Variants in CIT observed in about 807,000 individuals in gnomAD.
The protein encoded by CIT is citron rho-interacting serine/threonine kinase, also known as citron Rho-interacting kinase.
Under a neutral mutation model 272.7 loss-of-function variants are expected in CIT, and 79 were observed. The observed-to-expected ratio is 0.29, with a 90% CI of 0.24 to 0.35. The LOEUF (loss-of-function observed/expected upper bound fraction) is 0.35, where lower values mean the gene tolerates loss of function less well. CIT is among the 10% of genes least tolerant of loss of function. The pLI is 1.00. For synonymous variants in CIT, 948 were observed against 995.6 expected, an observed-to-expected ratio of 0.95 and a Z score of 0.90; for missense variants, 1,909 against 2,618.3, an observed-to-expected ratio of 0.73 and a Z score of 5.91.
chr12:119,699,772 T>C, intron 44 of CIT: 1 of 456,050 alleles, frequency 2.2e-6, no homozygotes, highest in Non-Finnish European at 4.4e-6. Flanking sequence ...GCCACGGAGT[T>C]GGGGCCAATA....
chr12:119,782,394 C>A (rs1313513241), intron 13 of CIT, 124 bp downstream of exon 13: 1 of 1,077,824 alleles, frequency 9.3e-7, no homozygotes, highest in African/African-American at 1.6e-5. Flanking sequence ...TGTCTCTCTT[C>A]CACTCTGCCC....
chr12:119,726,615 G>A (rs961101254), intron 28 of CIT, among the ~76,000 whole-genome samples: 2 of 152,034 alleles, frequency 1.3e-5, no homozygotes, highest in Admixed American at 1.3e-4. Context: ...GGAGCTATGG[G>A]TATCACGTGA....
chr12:119,765,556 C>T (rs1450152678), intron 19 of CIT, among the ~76,000 whole-genome samples: 21 of 149,580 alleles, frequency 1.4e-4, no homozygotes, highest in Non-Finnish European at 1.2e-4. Context: ...CTGCAACCTC[C>T]GCCTCCCAGG....
chr12:119,834,138 C>G lies in CIT; in HGVS notation c.607G>C (p.Ala203Pro), dbSNP rs1462697730. Reference protein sequence around the residue: ...LDENLIQFYLAELILAVHSVH... With the variant: ...LDENLIQFYLPELILAVHSVH... ...CTGTGAACAGCCAAAATCAGCTCAG[C>G]TAGGTAAAACTGTATCAGGTTTTCA... Residue 203 changes from alanine (A) to proline (P), a missense_variant, in exon 6 of 48, where the codon GCT becomes CCT. Transcript: ENST00000392521. 6.2e-7 allele frequency: 1 copy of G among 1,614,060 alleles called. No individual in the cohort carries two copies. Among genetic ancestry groups the G allele is most frequent in the Non-Finnish European group, 8.5e-7 (1 of 1,179,966 alleles).
intron 25 of CIT, among the ~76,000 whole-genome samples, chr12:119,734,869 C>T (rs965040011): frequency 2.0e-5 from 3 of 151,878 alleles, no homozygotes; most frequent in African/African-American, 7.3e-5. Flanking sequence ...CAGACTGATC[C>T]TGAACTCCTG....
chr12:119,718,390 C>T lies in CIT; in HGVS notation c.4023G>A (p.Thr1341=). 14 of 1,612,788 alleles carry T rather than the reference C, an allele frequency of 8.7e-6. No homozygotes were observed. Among genetic ancestry groups the T allele is most frequent in the Non-Finnish European group, 1.2e-5 (14 of 1,179,484 alleles). Residue 1341 remains threonine (T), a synonymous_variant, in exon 32 of 48, where the codon ACG becomes ACA. Coordinates refer to ENST00000392521, the MANE Select transcript of CIT (RefSeq NM_001206999.2). This position sits in a 1 kb window ranked among gnomAD's most constrained non-coding sequence, Gnocchi z 4.8. ...CTGGCGTGGATGGGTGTGGGTGGTC[C>T]GTTGCTTTGCGGTGGGCAGCTGCAG... ...AREEAAHRKA[T]DHPHPSTPAT...
intron 10 of CIT, among the ~76,000 whole-genome samples, chr12:119,792,810 A>G (rs541490079): frequency 7.2e-5 from 11 of 151,962 alleles, no homozygotes; most frequent in Non-Finnish European, 1.5e-4. Context: ...AAAATACACA[A>G]TGGTGGCCGG....
At position 119,784,116 on chromosome 12, in the gene CIT, A is replaced by C. The variant is rs183984744; in HGVS notation, c.1402-65T>G. ...GGTTCATTAGGAGCAATCACATCTC[A>C]AGTAGCCTCCGAAACCACCTGGTGG... On this transcript the variant is annotated intron_variant, in intron 11 of 47. Coordinates refer to ENST00000392521, the MANE Select transcript of CIT (RefSeq NM_001206999.2). The surrounding 1 kb of genome is among the most constrained non-coding windows in gnomAD (Gnocchi z 4.7). 1,600 of 1,587,170 alleles carry C rather than the reference A, an allele frequency of 1.0e-3. 2 individuals are homozygous for C. The Middle Eastern group carries it at 0.012, about 12-fold the overall frequency.
chr12:119,749,644 A>C (rs1195466369), intron 23 of CIT, among the ~76,000 whole-genome samples: 1 of 152,196 alleles, frequency 6.6e-6, no homozygotes, highest in Non-Finnish European at 1.5e-5. Flanking sequence ...TCATTTGAAG[A>C]AGCCCTGTTT....
At chr12:119,755,250 T>C (rs773768372) in intron 22 of CIT, among the ~76,000 whole-genome samples, 1 of 151,958 alleles carries the variant, frequency 6.6e-6, no homozygotes, top group East Asian at 1.9e-4. Flanking sequence ...ACCCCATTGC[T>C]AGAAAAAATG....
chr12:119,858,511 T>C (rs1285052785), intron 3 of CIT, among the ~76,000 whole-genome samples: 1 of 145,830 alleles, frequency 6.9e-6, no homozygotes, highest in African/African-American at 2.6e-5. Context: ...AGTGAAACTC[T>C]GTCTCCAAAA....
intron 23 of CIT, among the ~76,000 whole-genome samples, chr12:119,746,672 C>G (rs1013795457): frequency 6.6e-6 from 1 of 152,168 alleles, no homozygotes; most frequent in African/African-American, 2.4e-5. Context: ...GATCCATTTC[C>G]ATTAAAATTA....
At chr12:119,780,763 T>C (rs1212742272) in intron 13 of CIT, among the ~76,000 whole-genome samples, 11 of 152,228 alleles carry the variant, frequency 7.2e-5, no homozygotes, top group Admixed American at 7.2e-4. Flanking sequence ...TCTGCAAACA[T>C]CCTGCTCTCA....
At chr12:119,875,225 C>T (rs1950807495) in intron 2 of CIT, among the ~76,000 whole-genome samples, 1 of 152,068 alleles carries the variant, frequency 6.6e-6, no homozygotes, top group Admixed American at 6.6e-5. Flanking sequence ...ATCGTTTGAG[C>T]CCAGGAGGTC....
chr12:119,785,030 G>C lies in CIT; in HGVS notation c.1331C>G (p.Thr444Ser), dbSNP rs547980092. ...GAGAAGTTTCTTTTCCATGGAGCTA[G>C]TCTTGGCAGGGGAGTCCAGACCCGA... ...VVSGLDSPAK[T>S]SSMEKKLLIK... Residue 444 changes from threonine to serine, a missense_variant, in exon 11 of 48, where the codon ACT becomes AGT. This residue lies in a region of CIT where 529 missense variants were observed against 549.6 expected (regional missense o/e 0.96). Transcript: ENST00000392521. 9 of 1,614,242 alleles carry C rather than the reference G, an allele frequency of 5.6e-6. No individual in the cohort carries two copies. The South Asian group carries it at 8.8e-5, about 16-fold the overall frequency.
At chr12:119,868,607 C>T (rs1380820964) in intron 3 of CIT, among the ~76,000 whole-genome samples, 1 of 152,192 alleles carries the variant, frequency 6.6e-6, no homozygotes, top group Non-Finnish European at 1.5e-5. Context: ...GGCACAATCA[C>T]AGCTCATTGA....
At chr12:119,779,813 A>G (rs958494434) in intron 13 of CIT, among the ~76,000 whole-genome samples, 1 of 152,204 alleles carries the variant, frequency 6.6e-6, no homozygotes, top group African/African-American at 2.4e-5. Flanking sequence ...TCCTACAAGC[A>G]TCAAAAGAAA....
intron 37 of CIT, among the ~76,000 whole-genome samples, chr12:119,711,668 C>T (rs73412190): frequency 0.14 from 20,766 of 152,136 alleles, 3,315 homozygotes; most frequent in African/African-American, 0.39. Flanking sequence ...TTTTCCTTTG[C>T]TTTTACAGTC....
chr12:119,737,434 G>A (rs1262524774), intron 24 of CIT, among the ~76,000 whole-genome samples: 2 of 149,170 alleles, frequency 1.3e-5, no homozygotes, highest in Admixed American at 1.4e-4. Flanking sequence ...ATTCAAGGAT[G>A]TACTTAAGAC....
Sources: allele counts gnomAD v4.1 joint callset (sites outside exome capture counted in the v4.1 genomes callset), GRCh38; gene constraint gnomAD v4.1.1; regional missense constraint gnomAD v4.1.1; non-coding constraint Gnocchi (gnomAD v3.1); transcripts MANE v1.5; gene names NCBI Gene and HGNC (gene_info 2026-07-23, HGNC 2026-07-21).